Variants in VAC14 observed in about 807,000 individuals in gnomAD.
VAC14 encodes protein VAC14 homolog.
A neutral mutation model predicts 85.3 loss-of-function variants in VAC14; 47 were observed. The observed-to-expected ratio is 0.55, with a 90% CI of 0.44 to 0.70. The LOEUF (loss-of-function observed/expected upper bound fraction) is 0.70, where lower values mean the gene tolerates loss of function less well. Ranked by LOEUF, VAC14 falls within the 30% of genes least tolerant of loss-of-function variation. The pLI is 0.00. For missense variants in VAC14, 861 were observed against 1,004.3 expected (o/e 0.86, Z 1.93); for synonymous variants, 447 against 430.5 (o/e 1.04, Z -0.47).
chr16:70,737,307 C>T (rs1336154276), intron 13 of VAC14, among the ~76,000 whole-genome samples: 3 of 152,206 alleles, frequency 2.0e-5, no homozygotes, highest in African/African-American at 4.8e-5. Context: ...GCTCCGAGGA[C>T]CTCAGCGGTT....
chr16:70,788,163 A>C (rs919304626), intron 1 of VAC14, among the ~76,000 whole-genome samples: 1 of 152,230 alleles, frequency 6.6e-6, no homozygotes, highest in African/African-American at 2.4e-5. Context: ...CCAGCTCAGG[A>C]GCTTTCTAAT....
chr16:70,709,988 G>C (rs895390735), intron 14 of VAC14, among the ~76,000 whole-genome samples: 3 of 152,180 alleles, frequency 2.0e-5, no homozygotes, highest in Non-Finnish European at 4.4e-5. Flanking sequence ...CTCTAAGCAG[G>C]ATTTCCTCCT....
intron 12 of VAC14, among the ~76,000 whole-genome samples, chr16:70,758,359 C>G (rs1303437086): frequency 1.3e-5 from 2 of 152,188 alleles, no homozygotes. Flanking sequence ...ACTCCTTGGC[C>G]AGGGTCCCCG....
chr16:70,797,742 A>C (rs1485938736), intron 1 of VAC14, among the ~76,000 whole-genome samples: 3 of 152,168 alleles, frequency 2.0e-5, no homozygotes, highest in African/African-American at 7.2e-5. Flanking sequence ...TGAATGGCCT[A>C]GCACCATCTT....
chr16:70,743,240 T>A (rs1427674203), intron 13 of VAC14, among the ~76,000 whole-genome samples: 2 of 152,216 alleles, frequency 1.3e-5, no homozygotes, highest in Non-Finnish European at 2.9e-5. Flanking sequence ...ATCAGCACTC[T>A]GCGTCTAGCT....
At chr16:70,741,629 T>C (rs2030320785) in intron 13 of VAC14, among the ~76,000 whole-genome samples, 1 of 152,204 alleles carries the variant, frequency 6.6e-6, no homozygotes, top group Non-Finnish European at 1.5e-5. Flanking sequence ...TCCTTGGCTG[T>C]GGATTCTTGA....
At chr16:70,758,585 G>A (rs1176190106) in intron 12 of VAC14, among the ~76,000 whole-genome samples, 1 of 152,200 alleles carries the variant, frequency 6.6e-6, no homozygotes, top group Non-Finnish European at 1.5e-5. Context: ...CCCCCATCCC[G>A]TGGATACTCA....
intron 14 of VAC14, among the ~76,000 whole-genome samples, chr16:70,726,659 C>T (rs1220672510): frequency 6.6e-6 from 1 of 152,170 alleles, no homozygotes; most frequent in African/African-American, 2.4e-5. Flanking sequence ...GGCTCATCTG[C>T]CTTAGTCCTG....
intron 14 of VAC14, among the ~76,000 whole-genome samples, chr16:70,705,073 T>C (rs946978629): frequency 3.4e-4 from 52 of 152,274 alleles, no homozygotes; most frequent in African/African-American, 1.1e-3. Flanking sequence ...CCGGCTCCCT[T>C]TGGGGACCCT....
rs763032542 is a variant in VAC14 at position 70,731,448 on chromosome 16, G to A, written c.1661+47C>T. On this transcript the variant is annotated intron_variant, in intron 14 of 18. Transcript: ENST00000261776. Reference sequence around the variant, plus strand: ...CACTTGAATGGCGTGAAAGTGAAAAGCCGGGGCCGTGGGAGGAAGAGGAGA... The same window carrying A: ...CACTTGAATGGCGTGAAAGTGAAAAACCGGGGCCGTGGGAGGAAGAGGAGA... The A allele has an allele frequency of 1.9e-6, 3 of 1,591,770 alleles. No individual in the cohort carries two copies. The Admixed American group carries it at 5.4e-5, about 29-fold the overall frequency.
intron 8 of VAC14, 137 bp downstream of exon 8, chr16:70,781,730 ATC>A (rs1177274972): frequency 2.4e-6 from 3 of 1,236,428 alleles, no homozygotes; most frequent in East Asian, 5.2e-5. Context: ...GTTTGGCTCC[ATC>A]TCTTTTTCCC....
intron 12 of VAC14, among the ~76,000 whole-genome samples, chr16:70,753,967 C>T (rs913164484): frequency 3.9e-5 from 6 of 152,162 alleles, no homozygotes; most frequent in Non-Finnish European, 7.4e-5. Flanking sequence ...GAGCCGCCTC[C>T]CTTTCCACCA....
At chr16:70,765,843 G>T (rs1383562603) in intron 10 of VAC14, among the ~76,000 whole-genome samples, 1 of 152,156 alleles carries the variant, frequency 6.6e-6, no homozygotes, top group Non-Finnish European at 1.5e-5. Flanking sequence ...GTGTAATTTT[G>T]TATGAGAAGG....
intron 12 of VAC14, chr16:70,756,137 G>C: frequency 2.2e-6 from 1 of 455,920 alleles, no homozygotes; most frequent in Non-Finnish European, 4.4e-6. Flanking sequence ...GAGAAGGAAA[G>C]GGGCACGCTG....
chr16:70,716,662 G>A (rs113176842), intron 14 of VAC14: 1 of 152,264 alleles, frequency 6.6e-6, no homozygotes, highest in African/African-American at 2.4e-5. Context: ...ACCCAGGCCT[G>A]GGTCACATGT....
At chr16:70,766,008 C>T (rs1049251371) in intron 10 of VAC14, among the ~76,000 whole-genome samples, 2 of 151,950 alleles carry the variant, frequency 1.3e-5, no homozygotes, top group Non-Finnish European at 2.9e-5. Context: ...TGGTACATTC[C>T]TATGGTCCCA....
intron 14 of VAC14, among the ~76,000 whole-genome samples, chr16:70,703,811 G>A (rs954993921): frequency 2.6e-5 from 4 of 152,076 alleles, no homozygotes; most frequent in Admixed American, 2.0e-4. Flanking sequence ...CAGAGGGGGC[G>A]GTCACTTAGC....
At position 70,728,211 on chromosome 16, in the gene VAC14, G is replaced by A. The variant is rs80076251; in HGVS notation, c.1661+3284C>T. On this transcript the variant is annotated intron_variant, in intron 14 of 18. Coordinates refer to ENST00000261776, the MANE Select transcript of VAC14 (RefSeq NM_018052.5). ...TTGAGCCCCAGAAGAGCAAGCGATC[G>A]CCATACTGAGCCCCTGGAGGGTGGG... Among the ~76,000 whole-genome samples the A allele has an allele frequency of 7.9e-3, 1,205 of 152,184 alleles. 7 individuals are homozygous for A. Among genetic ancestry groups the A allele is most frequent in the Non-Finnish European group, 0.011 (777 of 67,994 alleles).
At chr16:70,728,806 GA>G (rs955220968) in intron 14 of VAC14, among the ~76,000 whole-genome samples, 1 of 152,232 alleles carries the variant, frequency 6.6e-6, no homozygotes, top group African/African-American at 2.4e-5. Flanking sequence ...CTGACTCCCT[GA>G]AAGTCGTCCA....
Sources: gnomAD v4.1 joint callset for allele counts (sites outside exome capture counted in the v4.1 genomes callset) on GRCh38, gnomAD v4.1.1 for gene constraint, MANE v1.5 for transcripts, NCBI Gene and HGNC (gene_info 2026-07-23, HGNC 2026-07-21) for gene names.